Variants in LINGO2 observed in about 807,000 individuals in gnomAD.
LINGO2 encodes the protein leucine rich repeat and Ig domain containing 2.
A neutral mutation model predicts 30.6 loss-of-function variants in LINGO2; 14 were observed. The ratio of observed to expected loss-of-function variants is 0.46; its 90% CI spans 0.30 to 0.72. The LOEUF (loss-of-function observed/expected upper bound fraction) is 0.72, where lower values mean the gene tolerates loss of function less well. Among genes scored for constraint, LINGO2 ranks in the 30% least tolerant of loss-of-function variants. The pLI is 0.07. For synonymous variants in LINGO2, 317 were observed against 288.5 expected (o/e 1.10, Z -1.00); for missense variants, 729 against 751.7 (o/e 0.97, Z 0.35).
At chr9:29,171,478 G>A in the LINGO2 span, among the ~76,000 whole-genome samples, 6 of 151,968 alleles carry the variant, frequency 3.9e-5, no homozygotes, top group South Asian at 4.1e-4. Flanking sequence ...TTGGATTTCC[G>A]TCAGTTGCTT....
chr9:28,566,719 C>G (rs1022705471), intron 1 of LINGO2, among the ~76,000 whole-genome samples: 1 of 152,070 alleles, frequency 6.6e-6, no homozygotes, highest in African/African-American at 2.4e-5. Context: ...AACAAATAAA[C>G]AAGTAAAGGA....
intron 4 of LINGO2, among the ~76,000 whole-genome samples, chr9:28,060,098 T>C (rs1394065296): frequency 6.6e-6 from 1 of 151,868 alleles, no homozygotes; most frequent in South Asian, 2.1e-4. Context: ...TACATAAATA[T>C]GTAGTCTCCT....
upstream of LINGO2, among the ~76,000 whole-genome samples, chr9:28,674,264 A>AC (rs35154789): frequency 0.39 from 58,557 of 151,944 alleles, 12,466 homozygotes; most frequent in African/African-American, 0.55. Context: ...CTTATACAAT[A>AC]ATGTAATAAT....
At chr9:28,654,941 T>G (rs1282300748) in intron 1 of LINGO2, among the ~76,000 whole-genome samples, 1 of 152,146 alleles carries the variant, frequency 6.6e-6, no homozygotes, top group Non-Finnish European at 1.5e-5. Context: ...GTTTGTTTTT[T>G]GCTGTGTGAA....
chr9:29,075,458 A>T, the LINGO2 span, among the ~76,000 whole-genome samples: 29,940 of 151,960 alleles, frequency 0.2, 3,062 homozygotes, highest in African/African-American at 0.24. Context: ...TAATTTTTTT[A>T]ATTTGGTACT....
chr9:28,601,832 G>A (rs1825490295), intron 1 of LINGO2, among the ~76,000 whole-genome samples: 1 of 151,918 alleles, frequency 6.6e-6, no homozygotes, highest in Non-Finnish European at 1.5e-5. Context: ...CAGCAGGTCA[G>A]AACTAGCAAA....
the LINGO2 span, among the ~76,000 whole-genome samples, chr9:28,972,475 C>A: frequency 2.1e-4 from 32 of 151,954 alleles, no homozygotes; most frequent in Non-Finnish European, 4.4e-4. Context: ...TTACAAAGAA[C>A]CAAGCAAAAA....
chr9:29,153,224 C>G, the LINGO2 span, among the ~76,000 whole-genome samples: 2 of 151,942 alleles, frequency 1.3e-5, no homozygotes, highest in Non-Finnish European at 2.9e-5. Flanking sequence ...TTATCTAATT[C>G]TATATTATTT....
At chr9:28,583,798 C>T (rs556547061) in intron 1 of LINGO2, among the ~76,000 whole-genome samples, 4 of 151,960 alleles carry the variant, frequency 2.6e-5, no homozygotes, top group Admixed American at 2.0e-4. Context: ...TGAAAACATC[C>T]CCCAAAGTTC....
At chr9:28,405,111 C>A (rs1244508484) in intron 2 of LINGO2, among the ~76,000 whole-genome samples, 1 of 152,132 alleles carries the variant, frequency 6.6e-6, no homozygotes, top group Admixed American at 6.6e-5. Flanking sequence ...CAAATCCCTG[C>A]CAAGGGATCT....
intron 1 of LINGO2, among the ~76,000 whole-genome samples, chr9:28,569,080 A>G (rs780361475): frequency 6.6e-6 from 1 of 152,066 alleles, no homozygotes; most frequent in Non-Finnish European, 1.5e-5. Flanking sequence ...TCAAACCGCA[A>G]TGAGATATCA....
chr9:28,125,440 A>G (rs1827209780), intron 4 of LINGO2, among the ~76,000 whole-genome samples: 2 of 152,232 alleles, frequency 1.3e-5, no homozygotes, highest in East Asian at 1.9e-4. Flanking sequence ...CTTTTAGCAC[A>G]TTAATTTATG....
chr9:28,215,530 G>T (rs1156285827), intron 4 of LINGO2, among the ~76,000 whole-genome samples: 2 of 151,726 alleles, frequency 1.3e-5, no homozygotes, highest in Non-Finnish European at 3.0e-5. Context: ...CACATTTTTT[G>T]AGCTGGAAGA....
At chr9:28,471,314 C>G (rs1209364299) in intron 2 of LINGO2, among the ~76,000 whole-genome samples, 4 of 152,148 alleles carry the variant, frequency 2.6e-5, no homozygotes, top group Non-Finnish European at 2.9e-5. Flanking sequence ...AACAGAAGGG[C>G]AAGACAGTGA....
the LINGO2 span, among the ~76,000 whole-genome samples, chr9:28,848,162 ATAGT>A: frequency 2.2e-5 from 2 of 90,186 alleles, no homozygotes; most frequent in South Asian, 6.2e-4. Flanking sequence ...ATACGCATAT[ATAGT>A]GTGTATATAT....
At chr9:28,468,622 C>A (rs1825402924) in intron 2 of LINGO2, among the ~76,000 whole-genome samples, 1 of 152,086 alleles carries the variant, frequency 6.6e-6, no homozygotes. Context: ...AAGCTCCAAG[C>A]CCTTGTTTAC....
the LINGO2 span, among the ~76,000 whole-genome samples, chr9:28,875,019 C>G: frequency 2.0e-5 from 3 of 152,032 alleles, no homozygotes; most frequent in African/African-American, 7.2e-5. Flanking sequence ...TTTTCTCTCT[C>G]AGAGAGAATT....
the LINGO2 span, among the ~76,000 whole-genome samples, chr9:28,716,305 G>A: frequency 6.6e-6 from 1 of 151,900 alleles, no homozygotes; most frequent in Admixed American, 6.6e-5. Context: ...AACAGAGGTA[G>A]GGATTTTAAG....
chr9:28,799,129 C>G, the LINGO2 span, among the ~76,000 whole-genome samples: 11 of 151,926 alleles, frequency 7.2e-5, no homozygotes, highest in Non-Finnish European at 1.3e-4. Flanking sequence ...AGAGACCAGG[C>G]TATCATAAAA....
Sources: allele counts gnomAD v4.1 joint callset (sites outside exome capture counted in the v4.1 genomes callset), GRCh38; gene constraint gnomAD v4.1.1; transcripts MANE v1.5; gene names NCBI Gene and HGNC (gene_info 2026-07-23, HGNC 2026-07-21).